The following BRWD1 variants were observed in gnomAD, a reference collection of about 807,000 sequenced individuals.
BRWD1 encodes bromodomain and WD repeat-containing protein 1.
BRWD1 carries 82 observed loss-of-function variants against 251.2 expected under a neutral mutation model. That is an observed-to-expected ratio of 0.33 (90% confidence interval 0.27 to 0.39). The LOEUF (loss-of-function observed/expected upper bound fraction) is 0.39, where lower values mean the gene tolerates loss of function less well. Among genes scored for constraint, BRWD1 ranks in the 10% least tolerant of loss-of-function variants. The pLI is 1.00. For synonymous variants in BRWD1, 918 were observed against 902.8 expected (o/e 1.02, Z -0.30); for missense variants, 2,233 against 2,711.6 (o/e 0.82, Z 3.92).
At chr21:39,299,786 C>A (rs1011444054) in intron 4 of BRWD1, among the ~76,000 whole-genome samples, 2 of 147,142 alleles carry the variant, frequency 1.4e-5, no homozygotes, top group Non-Finnish European at 3.0e-5. Flanking sequence ...ACCAGCCTGG[C>A]GGAAATGGTG....
At chr21:39,313,782 G>A (rs886397651), upstream of BRWD1, 2 of 384,044 alleles carry the variant, frequency 5.2e-6, no homozygotes. Context: ...TGCCTCCGGG[G>A]ACTCGATGAG....
chr21:39,249,913 GGGGTGTGTGTGTGTGTGTGT>G (rs1460380749), intron 20 of BRWD1, among the ~76,000 whole-genome samples: 4,830 of 132,560 alleles, frequency 0.036, 112 homozygotes, highest in Non-Finnish European at 0.053. Flanking sequence ...AAAAAGAAGG[GGGGTGTGTGTGTGTGTGTGT>G]GTGTGTGTGT....
intron 17 of BRWD1, among the ~76,000 whole-genome samples, chr21:39,259,506 G>T (rs1306237068): frequency 6.6e-6 from 1 of 152,034 alleles, no homozygotes; most frequent in African/African-American, 2.4e-5. Flanking sequence ...CACCGTGTTA[G>T]CCAGGATGGT....
intron 8 of BRWD1, among the ~76,000 whole-genome samples, chr21:39,283,839 T>C (rs2035548406): frequency 6.6e-6 from 1 of 152,226 alleles, no homozygotes; most frequent in Admixed American, 6.5e-5. Context: ...TATGTATTTC[T>C]GGATATTAAA....
At chr21:39,240,122 T>A (rs1348967875) in intron 21 of BRWD1, among the ~76,000 whole-genome samples, 5 of 152,134 alleles carry the variant, frequency 3.3e-5, no homozygotes, top group Admixed American at 3.3e-4. Context: ...AAATGCATAT[T>A]AATAAATGAA....
chr21:39,216,644 A>G, intron 31 of BRWD1: 1 of 351,446 alleles, frequency 2.8e-6, no homozygotes, highest in Non-Finnish European at 5.5e-6. Context: ...TAAATAACAG[A>G]ATCTACTCAG....
intron 7 of BRWD1, among the ~76,000 whole-genome samples, chr21:39,294,572 G>C (rs1048847196): frequency 6.6e-6 from 1 of 151,310 alleles, no homozygotes; most frequent in Non-Finnish European, 1.5e-5. Flanking sequence ...GGAGAATTGT[G>C]TGAACCCAGG....
At chr21:39,252,981 T>C (rs190473527) in intron 19 of BRWD1, among the ~76,000 whole-genome samples, 10 of 152,304 alleles carry the variant, frequency 6.6e-5, no homozygotes, top group Non-Finnish European at 1.3e-4. Flanking sequence ...TCTTGGACTA[T>C]GCGGTGACCT....
intron 15 of BRWD1, among the ~76,000 whole-genome samples, chr21:39,266,958 C>G (rs549482643): frequency 4.6e-4 from 70 of 152,178 alleles, no homozygotes; most frequent in Non-Finnish European, 9.1e-4. Context: ...TGCTTAAAGC[C>G]TAAATTAATG....
chr21:39,242,471 TA>T (rs1186566977), intron 21 of BRWD1, among the ~76,000 whole-genome samples: 1 of 152,120 alleles, frequency 6.6e-6, no homozygotes, highest in Middle Eastern at 3.2e-3. Flanking sequence ...GTCCATAACA[TA>T]AAAGTGTAAG....
chr21:39,253,286 CAAAAAAAAAAAAAAA>C (rs57456792), intron 19 of BRWD1, among the ~76,000 whole-genome samples: 2 of 83,822 alleles, frequency 2.4e-5, no homozygotes, highest in Non-Finnish European at 2.2e-5. Context: ...GAAACTGTCT[CAAAAAAAAAAAAAAA>C]AAAAAAAAAA....
intron 32 of BRWD1, 75 bp downstream of exon 32, chr21:39,215,162 C>T (rs1262557958): frequency 1.1e-5 from 16 of 1,488,056 alleles, no homozygotes; most frequent in South Asian, 4.7e-5. Context: ...TGAGCCACCA[C>T]GCCCGGCAAA....
At position 39,264,908 on chromosome 21, in the gene BRWD1, T is replaced by C. The variant is rs950111350; in HGVS notation, c.1642A>G (p.Ser548Gly). ...AAAATGACCTTTTCATATGGTTTGC[T>C]GCATCCAAAACCAAATATCAGAAGG... ...GHLLIFGFGCSKPYEKIPDQM... is the reference protein window; with the variant it reads ...GHLLIFGFGCGKPYEKIPDQM... The change falls in exon 16 of 41, where the codon AGC becomes GGC. Residue 548 changes from serine to glycine, a missense_variant. Transcript: ENST00000342449. The C allele has an allele frequency of 2.5e-6, 4 of 1,613,390 alleles. No homozygotes were observed. The highest frequency in any genetic ancestry group is 2.7e-5 in the African/African-American group (2 of 75,008).
chr21:39,279,653 A>G lies in BRWD1; in HGVS notation c.932+495T>C, dbSNP rs9976912. Among the ~76,000 whole-genome samples, 400 of 81,734 alleles carry G rather than the reference A, an allele frequency of 4.9e-3. 5 individuals carry two copies. The highest frequency in any genetic ancestry group is 0.017 in the African/African-American group (346 of 19,882). 53.6% of individuals were successfully genotyped at this position (81,734 alleles called of 152,430 possible). A position where few individuals can be genotyped will look rare whatever the true frequency, so the allele number is the denominator to read the frequency against. On this transcript the variant is annotated intron_variant, in intron 9 of 40. Transcript: ENST00000342449. ...GACTCCATCTCAAAAAAAAAAAAAAAAAAGAAAAAAAAAAAGAAAACGAAA... is the reference window on the plus strand; with the variant it reads ...GACTCCATCTCAAAAAAAAAAAAAAGAAAGAAAAAAAAAAAGAAAACGAAA...
intron 8 of BRWD1, among the ~76,000 whole-genome samples, chr21:39,285,330 AG>A (rs935853713): frequency 6.6e-6 from 1 of 152,074 alleles, no homozygotes; most frequent in Non-Finnish European, 1.5e-5. Flanking sequence ...GTATGGGGGA[AG>A]GGGGGGACCA....
At chr21:39,245,801 T>C (rs1177691484) in intron 21 of BRWD1, among the ~76,000 whole-genome samples, 1 of 152,134 alleles carries the variant, frequency 6.6e-6, no homozygotes, top group African/African-American at 2.4e-5. Flanking sequence ...GGTTTCACCA[T>C]GTTGGCCAAG....
intron 19 of BRWD1, among the ~76,000 whole-genome samples, chr21:39,251,917 T>G (rs2034406667): frequency 6.6e-6 from 1 of 152,148 alleles, no homozygotes; most frequent in South Asian, 2.1e-4. Flanking sequence ...TTACTCCTAA[T>G]GAGATGGTCA....
chr21:39,290,277 C>T (rs1313692476), intron 8 of BRWD1, among the ~76,000 whole-genome samples: 1 of 151,910 alleles, frequency 6.6e-6, no homozygotes, highest in East Asian at 1.9e-4. Context: ...ATCACGAGGT[C>T]AGGAGATCGA....
intron 38 of BRWD1, among the ~76,000 whole-genome samples, chr21:39,201,837 C>T (rs1479469994): frequency 1.3e-5 from 2 of 152,164 alleles, no homozygotes; most frequent in Non-Finnish European, 2.9e-5. Context: ...TCAATTATAA[C>T]AGTAAATAGT....
Sources: allele counts gnomAD v4.1 joint callset (sites outside exome capture counted in the v4.1 genomes callset), GRCh38; gene constraint gnomAD v4.1.1; transcripts MANE v1.5; gene names NCBI Gene and HGNC (gene_info 2026-07-23, HGNC 2026-07-21).